The following ALKBH3 variants were observed in gnomAD, a reference collection of about 807,000 sequenced individuals.
ALKBH3 encodes alkB homolog 3, alpha-ketoglutarate dependent dioxygenase, also known as alpha-ketoglutarate-dependent dioxygenase alkB homolog 3.
ALKBH3 carries 51 observed loss-of-function variants against 43.9 expected under a neutral mutation model. The observed-to-expected ratio is 1.16, with a 90% CI of 0.93 to 1.47. ALKBH3 has a LOEUF of 1.47. Among genes scored for constraint, ALKBH3 ranks in the 40% most tolerant of loss-of-function variants. The pLI is 0.00. For missense variants in ALKBH3, 361 were observed against 351.9 expected, an observed-to-expected ratio of 1.03 and a Z score of -0.21; for synonymous variants, 102 against 115.2, an observed-to-expected ratio of 0.89 and a Z score of 0.73.
chr11:43,898,613 T>TG, intron 7 of ALKBH3: 2 of 740,342 alleles, frequency 2.7e-6, no homozygotes, highest in South Asian at 2.8e-5. Context: ...TGGACCTGCC[T>TG]GGCGGACTTG....
At chr11:43,895,837 T>C (rs1356910531) in intron 7 of ALKBH3, among the ~76,000 whole-genome samples, 1 of 152,206 alleles carries the variant, frequency 6.6e-6, no homozygotes, top group East Asian at 1.9e-4. Flanking sequence ...CAGTGTAAAC[T>C]TTAAAAAATG....
chr11:43,916,978 G>A (rs1200340343), intron 8 of ALKBH3: 3 of 152,214 alleles, frequency 2.0e-5, no homozygotes, highest in Non-Finnish European at 4.4e-5. Flanking sequence ...TAAATAACAA[G>A]CAGCAAAGAA....
rs368970231 is a variant in ALKBH3, at chr11:43,916,244, G to A, written c.670-2794G>A. Among the ~76,000 whole-genome samples the A allele has an allele frequency of 2.0e-3, 302 of 152,256 alleles. 3 individuals carry two copies. The highest frequency in any genetic ancestry group is 7.1e-3 in the African/African-American group (294 of 41,564). Reference sequence around the variant, plus strand: ...CATCCAGATTTTTTCACCCCAAATAGCATTTTCTTAAAGGAAACTGAATAG... The same window carrying A: ...CATCCAGATTTTTTCACCCCAAATAACATTTTCTTAAAGGAAACTGAATAG... On this transcript the variant is annotated intron_variant, in intron 8 of 9. Coordinates refer to ENST00000302708, the MANE Select transcript of ALKBH3 (RefSeq NM_139178.4).
chr11:43,906,756 A>C (rs986090742), intron 8 of ALKBH3, among the ~76,000 whole-genome samples: 4 of 152,234 alleles, frequency 2.6e-5, no homozygotes, highest in Non-Finnish European at 5.9e-5. Context: ...TCAATTGTTG[A>C]TAGCCATGAT....
chr11:43,916,673 G>A (rs1266011943), intron 8 of ALKBH3: 1 of 152,206 alleles, frequency 6.6e-6, no homozygotes, highest in Non-Finnish European at 1.5e-5. Context: ...TCTGACCTGT[G>A]TTTCCACTGT....
At chr11:43,904,270 T>C (rs1951881763) in intron 8 of ALKBH3, among the ~76,000 whole-genome samples, 1 of 152,232 alleles carries the variant, frequency 6.6e-6, no homozygotes. Flanking sequence ...AAAATTTGCC[T>C]GAGATTTTAA....
Position 43,882,636 on chromosome 11 carries a change from A to T in ALKBH3, c.-17A>T. 6.2e-7 allele frequency: 1 copy of T among 1,608,860 alleles called. No homozygotes were observed. The highest frequency in any genetic ancestry group is 1.1e-5 in the South Asian group (1 of 89,988). ...AAAATCTTCTGAAAGCTCGGAGCAG[A>T]AGCCTTTTTGGTCAACATGGAGGAA... On this transcript the variant is annotated 5_prime_UTR_variant, in exon 2 of 10. Transcript: ENST00000302708.
At chr11:43,894,895 AAGG>A (rs1269786980) in intron 7 of ALKBH3, among the ~76,000 whole-genome samples, 1 of 152,204 alleles carries the variant, frequency 6.6e-6, no homozygotes, top group African/African-American at 2.4e-5. Flanking sequence ...CACAATAAAA[AAGG>A]AGAACAAGAG....
At chr11:43,882,555 C>A in intron 1 of ALKBH3, 28 bp from the exon 2 acceptor site, 1 of 1,084,366 alleles carries the variant, frequency 9.2e-7, no homozygotes, top group Non-Finnish European at 1.3e-6. Flanking sequence ...TAACTAAAAG[C>A]ACTGTTTTGT....
intron 6 of ALKBH3, 81 bp downstream of exon 6, chr11:43,889,909 A>G (rs942785791): frequency 8.3e-7 from 1 of 1,197,976 alleles, no homozygotes; most frequent in African/African-American, 1.5e-5. Flanking sequence ...ACTTCTGCTC[A>G]CCAAAGCTAG....
chr11:43,891,099 T>C (rs1441297296), intron 6 of ALKBH3, among the ~76,000 whole-genome samples: 5 of 152,208 alleles, frequency 3.3e-5, no homozygotes, highest in Non-Finnish European at 7.3e-5. Flanking sequence ...AACCCACAGA[T>C]ATGAAAGACC....
chr11:43,889,645 A>G, intron 5 of ALKBH3, 80 bp from the exon 6 acceptor site: 1 of 1,233,912 alleles, frequency 8.1e-7, no homozygotes, highest in Non-Finnish European at 1.2e-6. Context: ...CTGCATCCAG[A>G]TTAACTGTTT....
chr11:43,901,516 T>G lies in ALKBH3; in HGVS notation c.460T>G (p.Trp154Gly), dbSNP rs1022104992. 5 of 1,613,282 alleles carry G rather than the reference T, an allele frequency of 3.1e-6. No homozygotes were observed. Among genetic ancestry groups the G allele is most frequent in the Non-Finnish European group, 4.2e-6 (5 of 1,179,952 alleles). The change falls in exon 8 of 10, where the codon TGG (tryptophan) becomes GGG (glycine). Residue 154 changes from tryptophan to glycine, a missense_variant and splice_region_variant. By Grantham distance (184) the Trp-to-Gly change is radical. Transcript: ENST00000302708. ...SRITMEPNPH[W>G]HPVLRTLKNR... ...CCTTTTCTTGGTCTGTGGATTGCAG[T>G]GGCACCCTGTGCTGCGCACACTAAA... is the stretch of plus-strand genomic sequence containing the variant.
chr11:43,891,950 C>G, intron 6 of ALKBH3, 91 bp from the exon 7 acceptor site: 2 of 942,726 alleles, frequency 2.1e-6, no homozygotes, highest in East Asian at 2.5e-5. Context: ...TTGTATTTCT[C>G]ATAGCACATT....
chr11:43,903,109 T>G (rs935167102), intron 8 of ALKBH3, among the ~76,000 whole-genome samples: 2 of 152,232 alleles, frequency 1.3e-5, no homozygotes, highest in Admixed American at 1.3e-4. Flanking sequence ...TTCCATTGAT[T>G]AGGCTTTCTT....
chr11:43,906,083 T>C (rs1333328173), intron 8 of ALKBH3, among the ~76,000 whole-genome samples: 3 of 152,236 alleles, frequency 2.0e-5, no homozygotes, highest in African/African-American at 4.8e-5. Context: ...TAGGGGCTCC[T>C]ATTCACCTCA....
chr11:43,899,483 A>G lies in ALKBH3; in HGVS notation c.460-2033A>G, dbSNP rs993153069. ...AGGTTCCATGACGAGCCTGGAGTCC[A>G]GCCACAGTGGCTTCTCCCAGTTGAG... On this transcript the variant is annotated intron_variant, in intron 7 of 9. Coordinates refer to ENST00000302708, the MANE Select transcript of ALKBH3 (RefSeq NM_139178.4). The G allele has an allele frequency of 3.1e-5, 22 of 703,596 alleles. No individual in the cohort carries two copies. In the African/African-American group the frequency reaches 3.2e-4, roughly 10 times the overall value. 43.6% of individuals were successfully genotyped at this position (703,596 alleles called of 1,614,324 possible).
intron 7 of ALKBH3, 118 bp downstream of exon 7, chr11:43,892,247 C>A: frequency 1.2e-6 from 1 of 834,346 alleles, no homozygotes; most frequent in Non-Finnish European, 1.9e-6. Flanking sequence ...TTCAAAAAAC[C>A]TCTCTGGGTT....
chr11:43,898,377 C>T, intron 7 of ALKBH3: 1 of 697,900 alleles, frequency 1.4e-6, no homozygotes, highest in Admixed American at 2.1e-5. Flanking sequence ...TTCTTGCTAC[C>T]TGGGCCGTTC....
Sources: gnomAD v4.1 joint callset for allele counts (sites outside exome capture counted in the v4.1 genomes callset) on GRCh38, gnomAD v4.1.1 for gene constraint, MANE v1.5 for transcripts, NCBI Gene and HGNC (gene_info 2026-07-23, HGNC 2026-07-21) for gene names.